Variants in SOX15 observed in about 807,000 individuals in gnomAD.
The protein encoded by SOX15 is transcription factor SOX-15.
Under a neutral mutation model 15.9 loss-of-function variants are expected in SOX15, and 12 were observed. That is an observed-to-expected ratio of 0.75 (90% CI 0.48 to 1.22). The LOEUF (loss-of-function observed/expected upper bound fraction) is 1.22, where lower values mean the gene tolerates loss of function less well. Ranked by LOEUF, SOX15 falls within the 50% of genes most tolerant of loss-of-function variation. The probability of loss-of-function intolerance (pLI) is 0.00; values close to 1 mark genes in which losing one functional copy is unlikely to be tolerated. For synonymous variants in SOX15, 149 were observed against 142.8 expected (o/e 1.04, Z -0.31); for missense variants, 309 against 313.9 (o/e 0.98, Z 0.12).
Position 7,589,425 on chromosome 17 carries a change from G to C in SOX15, c.252C>G (p.Gly84=), listed in dbSNP as rs772608742. The change falls in exon 1 of 2, where the codon GGC becomes GGG. Residue 84 remains glycine (G), a synonymous_variant. Transcript: ENST00000250055. ...CCTCGTCCAGCAGCTTCCACTGCGC[G>C]CCCAGGCGCTTGGAGATCTCGGAGT... ...MHNSEISKRL[G]AQWKLLDEDE... The C allele has an allele frequency of 5.0e-6, 8 of 1,613,848 alleles. No homozygotes were observed. The highest frequency in any genetic ancestry group is 6.8e-6 in the Non-Finnish European group (8 of 1,179,910).
In SOX15 at chr17:7,589,178, T is replaced by TG; in HGVS notation, c.498dup (p.Ser167GlnfsTer30). 3 of 1,518,492 alleles carry TG rather than the reference T, an allele frequency of 2.0e-6. No homozygotes were observed. The highest frequency in any genetic ancestry group is 2.7e-6 in the Non-Finnish European group (3 of 1,129,092). The allele number at this position is 1,518,492 out of a possible 1,614,324, so 94.1% of individuals were successfully genotyped here. A position where few individuals can be genotyped will look rare whatever the true frequency, so the allele number is the denominator to read the frequency against. The stretch of plus-strand genomic sequence containing the variant: ...CCAGGCAGGTAGGCTGTCGAGTAGC[T>TG]GGGGGGTCTGTACCCAAAGCCTCTG... On this transcript the variant is annotated frameshift_variant, in exon 1 of 2. Transcript: ENST00000250055. LOFTEE classifies it low-confidence loss of function (END_TRUNC).
chr17:7,589,865 T>C lies in SOX15; in HGVS notation c.-189A>G, dbSNP rs2071638454. ...TTGCTTCCAACCTGTTCGGCACACT[T>C]TGGGGAGAGTCGAATGCAAAATCCG... On this transcript the variant is annotated 5_prime_UTR_variant, in exon 1 of 2. Transcript: ENST00000250055. 4 of 592,260 alleles carry C rather than the reference T, an allele frequency of 6.8e-6. No homozygotes were observed. Among genetic ancestry groups the C allele is most frequent in the Admixed American group, 3.4e-5 (1 of 29,226 alleles). 36.7% of individuals were successfully genotyped at this position (592,260 alleles called of 1,614,324 possible). A position where few individuals can be genotyped will look rare whatever the true frequency, so the allele number is the denominator to read the frequency against.
In SOX15 at chr17:7,588,354, C is replaced by G; in HGVS notation, c.*24G>C. 1 of 1,611,258 alleles carries G rather than the reference C, an allele frequency of 6.2e-7. No homozygotes were observed. The highest frequency in any genetic ancestry group is 8.5e-7 in the Non-Finnish European group (1 of 1,177,672). ...TTAAAAAAGGAGGATGAGGCCCGTCCCGTGAGGTCTGCGTCCATGAGGGTT... is the reference window on the plus strand; with the variant it reads ...TTAAAAAAGGAGGATGAGGCCCGTCGCGTGAGGTCTGCGTCCATGAGGGTT... On this transcript the variant is annotated 3_prime_UTR_variant, in exon 2 of 2. Coordinates refer to ENST00000250055, the MANE Select transcript of SOX15 (RefSeq NM_006942.2).
At chr17:7,588,681 A>C in intron 1 of SOX15, 135 bp from the exon 2 acceptor site, 1 of 966,438 alleles carries the variant, frequency 1.0e-6, no homozygotes. Flanking sequence ...GCAGGCATGG[A>C]AGCCGACCCC....
rs767338698 is a variant in SOX15 at position 7,589,716 on chromosome 17, C to T, written c.-40G>A. 14 of 1,482,952 alleles carry T rather than the reference C, an allele frequency of 9.4e-6. No homozygotes were observed. The South Asian group carries it at 1.8e-4, about 19-fold the overall frequency. 91.9% of individuals were successfully genotyped at this position (1,482,952 alleles called of 1,614,324 possible). ...CTTAAGAGGGCGTCCTGAATGCCCT[C>T]CCCTCAACGTGAAGCGTCGATCCTG... is the stretch of plus-strand genomic sequence containing the variant. On this transcript the variant is annotated 5_prime_UTR_variant, in exon 1 of 2. Coordinates refer to ENST00000250055, the MANE Select transcript of SOX15 (RefSeq NM_006942.2).
chr17:7,589,539 C>T lies in SOX15; in HGVS notation c.138G>A (p.Leu46=). ...GSPAAPGTLP[L]EKVKRPMNAF... Reference sequence around the variant, plus strand: ...CGTTCATCGGCCGCTTCACCTTCTCCAGGGGCAGCGTCCCGGGGGCCGCGG... The same window carrying T: ...CGTTCATCGGCCGCTTCACCTTCTCTAGGGGCAGCGTCCCGGGGGCCGCGG... The change falls in exon 1 of 2, where the codon CTG becomes CTA. Residue 46 remains leucine, a synonymous_variant. Transcript: ENST00000250055. 1 of 1,608,962 alleles carries T rather than the reference C, an allele frequency of 6.2e-7. No individual in the cohort carries two copies. The highest frequency in any genetic ancestry group is 1.7e-5 in the Admixed American group (1 of 59,510).
rs1265137004 is a variant in SOX15, at chr17:7,589,627, G to A, written c.50C>T (p.Pro17Leu). 1.3e-6 allele frequency: 2 copies of A among 1,550,644 alleles called. No individual in the cohort carries two copies. The highest frequency in any genetic ancestry group is 2.4e-5 in the East Asian group (1 of 41,494). The change falls in exon 1 of 2, where the codon CCG becomes CTG. Residue 17 changes from proline (P) to leucine (L), a missense_variant. Pro to Leu is a moderately conservative substitution (Grantham distance 98). Transcript: ENST00000250055. ...SQDQAWSLEP[P>L]AATAAASSSS... ...TGAGGAGGCAGCAGCCGTGGCAGCC[G>A]GAGGCTCCAGGCTCCAGGCCTGGTC...
In SOX15 at chr17:7,589,474, G is replaced by A. The variant is rs2071633896; in HGVS notation, c.203C>T (p.Ala68Val). ...GTTGTGCATCTTGGGGTTCTGCTGCGCCATCTGGCGGCGCTGAGCGGAGCT... is the reference window on the plus strand; with the variant it reads ...GTTGTGCATCTTGGGGTTCTGCTGCACCATCTGGCGGCGCTGAGCGGAGCT... ...VWSSAQRRQM[A>V]QQNPKMHNSE... is the part of the protein sequence containing the mutation. Residue 68 changes from alanine (A) to valine (V), a missense_variant, in exon 1 of 2, where the codon GCG becomes GTG. By Grantham distance (64) the Ala-to-Val change is moderately conservative. Coordinates refer to ENST00000250055, the MANE Select transcript of SOX15 (RefSeq NM_006942.2). The A allele has an allele frequency of 6.2e-7, 1 of 1,613,610 alleles. No homozygotes were observed. The highest frequency in any genetic ancestry group is 1.1e-5 in the South Asian group (1 of 91,080).
rs912044828 is a variant in SOX15 at position 7,589,344 on chromosome 17, G to C, written c.333C>G (p.Arg111=). 1.9e-6 allele frequency: 3 copies of C among 1,608,790 alleles called. No individual in the cohort carries two copies. The African/African-American group carries it at 4.0e-5, about 22-fold the overall frequency. The part of the protein sequence containing the change: ...EAKRLRARHL[R]DYPDYKYRPR... ...GCCGGTACTTGTAGTCGGGGTAGTC[G>C]CGCAGGTGTCGGGCGCGGAGCCGCT... Residue 111 remains arginine, a synonymous_variant, in exon 1 of 2, where the codon CGC becomes CGG. Coordinates refer to ENST00000250055, the MANE Select transcript of SOX15 (RefSeq NM_006942.2).
Position 7,589,307 on chromosome 17 carries a change from C to T in SOX15, c.370G>A (p.Ala124Thr). 1 of 1,596,460 alleles carries T rather than the reference C, an allele frequency of 6.3e-7. No homozygotes were observed. The highest frequency in any genetic ancestry group is 8.5e-7 in the Non-Finnish European group (1 of 1,171,496). Residue 124 changes from alanine (A) to threonine (T), a missense_variant, in exon 1 of 2, where the codon GCC (alanine) becomes ACC (threonine). Ala to Thr is a moderately conservative substitution (Grantham distance 58). Transcript: ENST00000250055. ...GAAGGTCCGGCGCCCGAGCTCTTGG[C>T]CTTGCGCCGAGGCCGGTACTTGTAG... Reference protein sequence around the residue: ...PDYKYRPRRKAKSSGAGPSRC... With the variant: ...PDYKYRPRRKTKSSGAGPSRC...
rs975016307 is a variant in SOX15 at position 7,589,402 on chromosome 17, T to C, written c.275A>G (p.Glu92Gly). ...CTCCACGAAGGGCCGCTTCTCGTCC[T>C]CGTCCAGCAGCTTCCACTGCGCGCC... The part of the protein sequence containing the change: ...RLGAQWKLLD[E>G]DEKRPFVEEA... The change falls in exon 1 of 2, where the codon GAG becomes GGG. Residue 92 changes from glutamate to glycine, a missense_variant. Glu to Gly is a moderately conservative substitution (Grantham distance 98). Coordinates refer to ENST00000250055, the MANE Select transcript of SOX15 (RefSeq NM_006942.2). 5 of 1,613,442 alleles carry C rather than the reference T, an allele frequency of 3.1e-6. No homozygotes were observed. Among genetic ancestry groups the C allele is most frequent in the Non-Finnish European group, 4.2e-6 (5 of 1,179,748 alleles).
Position 7,588,358 on chromosome 17 carries a change from G to A in SOX15, c.*20C>T, listed in dbSNP as rs769740498. Reference sequence around the variant, plus strand: ...AAAAGGAGGATGAGGCCCGTCCCGTGAGGTCTGCGTCCATGAGGGTTAGAG... The same window carrying A: ...AAAAGGAGGATGAGGCCCGTCCCGTAAGGTCTGCGTCCATGAGGGTTAGAG... On this transcript the variant is annotated 3_prime_UTR_variant, in exon 2 of 2. Transcript: ENST00000250055. The A allele has an allele frequency of 1.2e-6, 2 of 1,612,144 alleles. No individual in the cohort carries two copies. The highest frequency in any genetic ancestry group is 1.7e-6 in the Non-Finnish European group (2 of 1,178,352).
Position 7,589,232 on chromosome 17 carries a change from C to A in SOX15, c.445G>T (p.Gly149Trp). ...GGTTGGGTGGTCGCGTACCCCGGCC[C>A]CCAGAGCGGGCCGCCGCTGGCCAGG... ...GNLASGGPLW[G>W]PGYATTQPSR... The change falls in exon 1 of 2, where the codon GGG becomes TGG. Residue 149 changes from glycine (G) to tryptophan (W), a missense_variant. Transcript: ENST00000250055. 1.3e-6 allele frequency: 2 copies of A among 1,546,094 alleles called. No individual in the cohort carries two copies. Among genetic ancestry groups the A allele is most frequent in the African/African-American group, 2.7e-5 (2 of 73,118 alleles).
rs767762061 is a variant in SOX15, at chr17:7,588,331, A to T, written c.*47T>A. 1 of 1,587,820 alleles carries T rather than the reference A, an allele frequency of 6.3e-7. No individual in the cohort carries two copies. Among genetic ancestry groups the T allele is most frequent in the Non-Finnish European group, 8.6e-7 (1 of 1,156,178 alleles). ...CTGGGGTAGGGGATGCTGCTGGATT[A>T]AAAAAGGAGGATGAGGCCCGTCCCG... On this transcript the variant is annotated 3_prime_UTR_variant, in exon 2 of 2. Coordinates refer to ENST00000250055, the MANE Select transcript of SOX15 (RefSeq NM_006942.2).
Position 7,590,063 on chromosome 17 carries a change from G to C in SOX15, c.-387C>G. ...ACAGCTGCCAGGCGCGGATAGGCCAGACCTCTCCCACCTGGGCTCAGCGTT... is the reference window on the plus strand; with the variant it reads ...ACAGCTGCCAGGCGCGGATAGGCCACACCTCTCCCACCTGGGCTCAGCGTT... On this transcript the variant is annotated 5_prime_UTR_variant, in exon 1 of 2. Transcript: ENST00000250055. The C allele has an allele frequency of 9.2e-6, 2 of 216,660 alleles. No homozygotes were observed. The highest frequency in any genetic ancestry group is 1.8e-5 in the Non-Finnish European group (2 of 108,386). 13.4% of individuals were successfully genotyped at this position (216,660 alleles called of 1,614,324 possible).
intron 1 of SOX15, 53 bp downstream of exon 1, chr17:7,589,091 C>T: frequency 2.1e-6 from 3 of 1,424,256 alleles, no homozygotes; most frequent in Non-Finnish European, 9.3e-7. Context: ...CACCAAGGCT[C>T]CAGAAGAGGG....
intron 1 of SOX15, 195 bp downstream of exon 1, chr17:7,588,949 G>C (rs2071627589): frequency 2.3e-5 from 14 of 597,710 alleles, no homozygotes; most frequent in Admixed American, 6.4e-5. Context: ...GACTGAGATG[G>C]AAACGCCCTC....
chr17:7,588,282 C>T lies in SOX15; in HGVS notation c.*96G>A. 2 of 1,244,748 alleles carry T rather than the reference C, an allele frequency of 1.6e-6. No homozygotes were observed. Among genetic ancestry groups the T allele is most frequent in the Non-Finnish European group, 2.4e-6 (2 of 842,932 alleles). 77.1% of individuals were successfully genotyped at this position (1,244,748 alleles called of 1,614,324 possible). A position where few individuals can be genotyped will look rare whatever the true frequency, so the allele number is the denominator to read the frequency against. ...CTGCAGGCTGCCTCTGAACTGTAGT[C>T]CAACAGGAGAAAGGGTTGACAGCCT... On this transcript the variant is annotated 3_prime_UTR_variant, in exon 2 of 2. Coordinates refer to ENST00000250055, the MANE Select transcript of SOX15 (RefSeq NM_006942.2).
rs1268248109 is a variant in SOX15 at position 7,589,952 on chromosome 17, C to G, written c.-276G>C. Reference sequence around the variant, plus strand: ...GCCTACTGACTGGGGGACCCCCGGTCCCTCTCCCCGACCCGCAGCTGCGAT... The same window carrying G: ...GCCTACTGACTGGGGGACCCCCGGTGCCTCTCCCCGACCCGCAGCTGCGAT... On this transcript the variant is annotated 5_prime_UTR_variant, in exon 1 of 2. Coordinates refer to ENST00000250055, the MANE Select transcript of SOX15 (RefSeq NM_006942.2). 15 of 477,548 alleles carry G rather than the reference C, an allele frequency of 3.1e-5. No individual in the cohort carries two copies. Among genetic ancestry groups the G allele is most frequent in the Non-Finnish European group, 4.1e-5 (11 of 270,510 alleles). 29.6% of individuals were successfully genotyped at this position (477,548 alleles called of 1,614,324 possible). A position where few individuals can be genotyped will look rare whatever the true frequency, so the allele number is the denominator to read the frequency against.
Sources: allele counts gnomAD v4.1 joint callset, GRCh38; gene constraint gnomAD v4.1.1; transcripts MANE v1.5; gene names NCBI Gene and HGNC (gene_info 2026-07-23, HGNC 2026-07-21).